HIBADH: variants seen among roughly 807,000 people sequenced by gnomAD.
HIBADH encodes 3-hydroxyisobutyrate dehydrogenase, mitochondrial.
Under a neutral mutation model 36.1 loss-of-function variants are expected in HIBADH, and 25 were observed. The ratio of observed to expected loss-of-function variants is 0.69; its 90% CI spans 0.50 to 0.97. HIBADH has a LOEUF of 0.97. Ranked by LOEUF, HIBADH falls within the 50% of genes least tolerant of loss-of-function variation. The pLI is 0.00. For synonymous variants in HIBADH, 160 were observed against 149.5 expected, an observed-to-expected ratio of 1.07 and a Z score of -0.51; for missense variants, 421 against 418.0, an observed-to-expected ratio of 1.01 and a Z score of -0.06.
At chr7:27,598,917 C>T (rs1391542336) in intron 4 of HIBADH, among the ~76,000 whole-genome samples, 1 of 151,600 alleles carries the variant, frequency 6.6e-6, no homozygotes, top group African/African-American at 2.4e-5. Flanking sequence ...GAAACAAGGA[C>T]TTCTTTCCCA....
intron 4 of HIBADH, among the ~76,000 whole-genome samples, chr7:27,614,889 G>C (rs1308681939): frequency 1.3e-5 from 2 of 152,148 alleles, no homozygotes; most frequent in Non-Finnish European, 2.9e-5. Flanking sequence ...ATGCCCCTTA[G>C]AGCCAGTTAA....
At chr7:27,624,450 T>C (rs1785604160) in intron 4 of HIBADH, among the ~76,000 whole-genome samples, 1 of 152,214 alleles carries the variant, frequency 6.6e-6, no homozygotes, top group South Asian at 2.1e-4. Flanking sequence ...AATACTTCTA[T>C]ATAATTATGG....
rs1244208389 is a variant in HIBADH, at chr7:27,590,086, C to A, written c.484+39285G>T. 2.6e-5 allele frequency among the ~76,000 whole-genome samples: 4 copies of A among 152,230 alleles called. No individual in the cohort carries two copies. The East Asian group carries it at 7.7e-4, about 29-fold the overall frequency. ...AGAAAAAAAGAAAACACCAAAATCTCATTTGATTTTCACAAAAAGTCAGGC... is the reference window on the plus strand; with the variant it reads ...AGAAAAAAAGAAAACACCAAAATCTAATTTGATTTTCACAAAAAGTCAGGC... On this transcript the variant is annotated intron_variant, in intron 4 of 7. Coordinates refer to ENST00000265395, the MANE Select transcript of HIBADH (RefSeq NM_152740.4).
chr7:27,582,113 A>C (rs186928367), intron 4 of HIBADH, among the ~76,000 whole-genome samples: 3 of 152,248 alleles, frequency 2.0e-5, no homozygotes, highest in African/African-American at 4.8e-5. Flanking sequence ...TTGTCTATTC[A>C]ACTTAGTAAA....
rs148917011 is a variant in HIBADH, at chr7:27,609,896, G to A, written c.484+19475C>T. ...AGACTGTGCAATCTTGGCTCACTGC[G>A]ACCTCAGCCTCCCAAGTTCAAGCGA... On this transcript the variant is annotated intron_variant, in intron 4 of 7. Coordinates refer to ENST00000265395, the MANE Select transcript of HIBADH (RefSeq NM_152740.4). 1.8e-3 allele frequency among the ~76,000 whole-genome samples: 279 copies of A among 151,950 alleles called. 4 individuals are homozygous for A. The highest frequency in any genetic ancestry group is 0.014 in the Admixed American group (206 of 15,258).
intron 5 of HIBADH, among the ~76,000 whole-genome samples, chr7:27,541,998 T>TTA (rs1470340224): frequency 6.6e-6 from 1 of 152,234 alleles, no homozygotes; most frequent in Non-Finnish European, 1.5e-5. Flanking sequence ...TTACATTTCT[T>TTA]TACATTTCTC....
chr7:27,578,611 C>A (rs1348268167), intron 4 of HIBADH, among the ~76,000 whole-genome samples: 1 of 151,196 alleles, frequency 6.6e-6, no homozygotes, highest in Non-Finnish European at 1.5e-5. Flanking sequence ...GCCACCGCGC[C>A]CAGCCAAATT....
chr7:27,637,447 G>A (rs1046605580), intron 2 of HIBADH, among the ~76,000 whole-genome samples: 1 of 152,054 alleles, frequency 6.6e-6, no homozygotes, highest in African/African-American at 2.4e-5. Flanking sequence ...ACAGAAACAC[G>A]AATATAATAA....
At chr7:27,641,839 A>G (rs895781216) in intron 2 of HIBADH, among the ~76,000 whole-genome samples, 1 of 151,622 alleles carries the variant, frequency 6.6e-6, no homozygotes, top group African/African-American at 2.4e-5. Flanking sequence ...TTCTCACTTC[A>G]TTCATCTGAA....
rs145591878 is a variant in HIBADH at position 27,542,679 on chromosome 7, T to C, written c.618+288A>G. On this transcript the variant is annotated intron_variant, in intron 5 of 7. Coordinates refer to ENST00000265395, the MANE Select transcript of HIBADH (RefSeq NM_152740.4). ...GTTGCCCTGGCTGGTGTCAAACTCC[T>C]GGGCTTGAGTGATCCTCCTGTCTCA... Among the ~76,000 whole-genome samples, 490 of 152,078 alleles carry C rather than the reference T, an allele frequency of 3.2e-3. 6 individuals carry two copies. Among genetic ancestry groups the C allele is most frequent in the African/African-American group, 0.011 (463 of 41,504 alleles).
At chr7:27,592,616 A>G (rs936683578) in intron 4 of HIBADH, among the ~76,000 whole-genome samples, 6 of 152,118 alleles carry the variant, frequency 3.9e-5, no homozygotes, top group Non-Finnish European at 8.8e-5. Context: ...TAGGAAAACA[A>G]ACAAAAAAAA....
chr7:27,590,539 C>G (rs1784924012), intron 4 of HIBADH, among the ~76,000 whole-genome samples: 1 of 152,188 alleles, frequency 6.6e-6, no homozygotes, highest in Middle Eastern at 3.4e-3. Context: ...CTCATGGAAC[C>G]AAGTCAGCAA....
intron 4 of HIBADH, among the ~76,000 whole-genome samples, chr7:27,595,579 GGTGTGTGTGTGTGTGTGTGTGTGT>G (rs3219776): frequency 5.6e-5 from 8 of 143,340 alleles, no homozygotes; most frequent in Admixed American, 1.4e-4. Context: ...CATAAGGGCA[GGTGTGTGTGTGTGTGTGTGTGTGT>G]GTGTGTGTGT....
chr7:27,645,368 A>ATTTTTT lies in HIBADH; in HGVS notation c.252+4099_252+4104dup, dbSNP rs762685685. On this transcript the variant is annotated intron_variant, in intron 2 of 7. Transcript: ENST00000265395. ...CTAGTGGGTGTGTCTCATGGTTTTG[A>ATTTTTT]TTTTTTTTTTTTTTTTTTTTTTTTT... is the stretch of plus-strand genomic sequence containing the variant. 3.5e-3 allele frequency among the ~76,000 whole-genome samples: 207 copies of ATTTTTT among 59,608 alleles called. 36 individuals carry two copies. The highest frequency in any genetic ancestry group is 9.2e-3 in the East Asian group (19 of 2,070). 39.1% of individuals were successfully genotyped at this position (59,608 alleles called of 152,430 possible). A position where few individuals can be genotyped will look rare whatever the true frequency, so the allele number is the denominator to read the frequency against.
intron 4 of HIBADH, among the ~76,000 whole-genome samples, chr7:27,567,638 GGT>G (rs1784566465): frequency 6.6e-6 from 1 of 151,826 alleles, no homozygotes; most frequent in Non-Finnish European, 1.5e-5. Context: ...CTTTGTATAG[GGT>G]GTGTGTGTGC....
intron 4 of HIBADH, among the ~76,000 whole-genome samples, chr7:27,598,548 A>T (rs981018693): frequency 1.3e-5 from 2 of 152,182 alleles, no homozygotes; most frequent in African/African-American, 4.8e-5. Flanking sequence ...GAATACTATG[A>T]TTCCATTTTC....
chr7:27,591,782 T>C (rs2128289071), intron 4 of HIBADH, among the ~76,000 whole-genome samples: 1 of 152,324 alleles, frequency 6.6e-6, no homozygotes, highest in Admixed American at 6.5e-5. Flanking sequence ...AAAAACAGCA[T>C]CTTTTAAATG....
chr7:27,531,525 A>T (rs996933844), intron 6 of HIBADH, among the ~76,000 whole-genome samples, 177 bp from the exon 7 acceptor site: 21 of 152,224 alleles, frequency 1.4e-4, no homozygotes, highest in Admixed American at 1.4e-3. Context: ...ACTAAACACT[A>T]CTGGTTAAAT....
At chr7:27,646,570 T>G (rs959481934) in intron 2 of HIBADH, among the ~76,000 whole-genome samples, 1 of 151,678 alleles carries the variant, frequency 6.6e-6, no homozygotes, top group African/African-American at 2.4e-5. Flanking sequence ...AAGGTCTCAC[T>G]CCATCACCCA....
Sources: allele counts gnomAD v4.1 joint callset (sites outside exome capture counted in the v4.1 genomes callset), GRCh38; gene constraint gnomAD v4.1.1; transcripts MANE v1.5; gene names NCBI Gene and HGNC (gene_info 2026-07-23, HGNC 2026-07-21).